The following OXCT1 variants were observed in gnomAD, a reference collection of about 807,000 sequenced individuals.
OXCT1 encodes the protein 3-oxoacid CoA-transferase 1, also known as succinyl-CoA:3-ketoacid coenzyme A transferase 1, mitochondrial.
In OXCT1, 27 loss-of-function variants were observed where a neutral mutation model predicts 69.6. That is an observed-to-expected ratio of 0.39 (90% CI 0.29 to 0.54). OXCT1 has a LOEUF of 0.54. Among genes scored for constraint, OXCT1 ranks in the 20% least tolerant of loss-of-function variants. The pLI, the probability that OXCT1 is intolerant of heterozygous loss-of-function variation, is 0.72. For synonymous variants in OXCT1, 202 were observed against 217.8 expected (o/e 0.93, Z 0.64); for missense variants, 437 against 650.2 (o/e 0.67, Z 3.57).
intron 13 of OXCT1, among the ~76,000 whole-genome samples, chr5:41,784,136 G>A (rs1447825597): frequency 6.6e-6 from 1 of 152,110 alleles, no homozygotes; most frequent in Non-Finnish European, 1.5e-5. Flanking sequence ...CTCCAATTGT[G>A]CTTCAGTGTT....
chr5:41,810,746 AG>A (rs1022942607), intron 7 of OXCT1, among the ~76,000 whole-genome samples: 14 of 152,140 alleles, frequency 9.2e-5, no homozygotes, highest in African/African-American at 3.4e-4. Context: ...ATTATATCTC[AG>A]GTAAGAGAAA....
At chr5:41,817,719 T>C (rs1747319993) in intron 7 of OXCT1, among the ~76,000 whole-genome samples, 2 of 152,172 alleles carry the variant, frequency 1.3e-5, no homozygotes, top group Admixed American at 6.6e-5. Flanking sequence ...TATAACTAGG[T>C]AACTACCATA....
At chr5:41,809,666 C>T (rs1246619859) in intron 7 of OXCT1, among the ~76,000 whole-genome samples, 1 of 151,894 alleles carries the variant, frequency 6.6e-6, no homozygotes, top group East Asian at 1.9e-4. Flanking sequence ...AAAAGTATTG[C>T]TCACTTAAAC....
At chr5:41,797,393 C>T (rs1261096443) in intron 11 of OXCT1, among the ~76,000 whole-genome samples, 1 of 152,180 alleles carries the variant, frequency 6.6e-6, no homozygotes, top group Non-Finnish European at 1.5e-5. Context: ...GGTTAATTTT[C>T]AGCATTTTTA....
At chr5:41,782,570 G>A (rs1452084548) in intron 13 of OXCT1, among the ~76,000 whole-genome samples, 1 of 152,000 alleles carries the variant, frequency 6.6e-6, no homozygotes. Context: ...ATCTGTTCAT[G>A]TCCTTTGCCC....
At position 41,853,491 on chromosome 5, in the gene OXCT1, T is replaced by C. The variant is rs1235460886; in HGVS notation, c.342A>G (p.Ser114=). 3.1e-6 allele frequency: 5 copies of C among 1,613,702 alleles called. No individual in the cohort carries two copies. The highest frequency in any genetic ancestry group is 4.2e-6 in the Non-Finnish European group (5 of 1,179,702). ...CAAATTCTGCATTTTCTCCCACATA[T>C]GAAGAGACCATGCGTTTTATCTGCT... The part of the protein sequence containing the change: ...RSKQIKRMVS[S]YVGENAEFER... The change falls in exon 4 of 17, where the codon TCA becomes TCG. Residue 114 remains serine (S), a synonymous_variant. Transcript: ENST00000196371.
Position 41,870,016 on chromosome 5 carries a change from GCC to G in OXCT1, c.78+263_78+264del. 1 of 502,258 alleles carries G rather than the reference GCC, an allele frequency of 2.0e-6. No individual in the cohort carries two copies. The highest frequency in any genetic ancestry group is 3.6e-6 in the Non-Finnish European group (1 of 275,022). The allele number at this position is 502,258 out of a possible 1,614,324, so 31.1% of individuals were successfully genotyped here. A position where few individuals can be genotyped will look rare whatever the true frequency, so the allele number is the denominator to read the frequency against. ...CGGGAGCGCTGCCAGGAGTCCTCCC[GCC>G]CCTTCTCAGCCTCTCCGCGCGCTTC... On this transcript the variant is annotated intron_variant, in intron 1 of 16. Coordinates refer to ENST00000196371, the MANE Select transcript of OXCT1 (RefSeq NM_000436.4). This position sits in a 1 kb window ranked among gnomAD's most constrained non-coding sequence, Gnocchi z 4.2.
intron 16 of OXCT1, among the ~76,000 whole-genome samples, chr5:41,737,645 T>G (rs1742953837): frequency 6.6e-6 from 1 of 152,232 alleles, no homozygotes; most frequent in African/African-American, 2.4e-5. Context: ...AAGGTATTAC[T>G]GGGAGACTTC....
At chr5:41,857,327 CA>C (rs1465555623) in intron 3 of OXCT1, among the ~76,000 whole-genome samples, 1 of 152,218 alleles carries the variant, frequency 6.6e-6, no homozygotes, top group African/African-American at 2.4e-5. Flanking sequence ...GAGTGGCCTG[CA>C]AGGTCCCATG....
rs1744378080 is a variant in OXCT1 at position 41,762,105 on chromosome 5, T to C, written c.1338+6A>G. 5 of 1,598,914 alleles carry C rather than the reference T, an allele frequency of 3.1e-6. No homozygotes were observed. The East Asian group carries it at 1.1e-4, about 36-fold the overall frequency. On this transcript the variant is annotated splice_donor_region_variant and intron_variant, in intron 14 of 16. Transcript: ENST00000196371. The surrounding 1 kb of genome is among the most constrained non-coding windows in gnomAD (Gnocchi z 4.0). ...AGCAGTATTTGGGGAGCACAGTACA[T>C]GTTACCTTTGCAGAATGCTCCATGG...
chr5:41,776,460 G>GA (rs1169670668), intron 13 of OXCT1, among the ~76,000 whole-genome samples: 1 of 152,110 alleles, frequency 6.6e-6, no homozygotes, highest in Non-Finnish European at 1.5e-5. Flanking sequence ...CTGTTCCTGT[G>GA]TTTTTTTGTT....
intron 13 of OXCT1, among the ~76,000 whole-genome samples, chr5:41,792,857 T>G (rs1231337168): frequency 6.6e-6 from 1 of 152,228 alleles, no homozygotes; most frequent in East Asian, 1.9e-4. Flanking sequence ...CAGAACCACC[T>G]GAGTTGCTTT....
At chr5:41,743,437 C>A (rs1048619191) in intron 15 of OXCT1, among the ~76,000 whole-genome samples, 1 of 152,140 alleles carries the variant, frequency 6.6e-6, no homozygotes, top group Non-Finnish European at 1.5e-5. Flanking sequence ...GTTGCCTGTT[C>A]ACTCTGATGG....
chr5:41,827,827 G>T (rs1442178761), intron 7 of OXCT1, among the ~76,000 whole-genome samples: 1 of 152,052 alleles, frequency 6.6e-6, no homozygotes, highest in Non-Finnish European at 1.5e-5. Flanking sequence ...GAAAACTGGT[G>T]GGGGAAAAAA....
intron 13 of OXCT1, among the ~76,000 whole-genome samples, chr5:41,768,654 C>T (rs758557855): frequency 6.6e-6 from 1 of 152,158 alleles, no homozygotes; most frequent in African/African-American, 2.4e-5. Context: ...CTTCTCCCAA[C>T]ATTTCTTGAG....
chr5:41,744,887 T>G (rs531290644), intron 15 of OXCT1, among the ~76,000 whole-genome samples: 1 of 152,196 alleles, frequency 6.6e-6, no homozygotes, highest in East Asian at 1.9e-4. Flanking sequence ...CCTAAATATA[T>G]ATGCACCCAA....
In OXCT1 at chr5:41,840,348, CA is replaced by C. The variant is rs1748566561; in HGVS notation, c.732+102del. 8 of 866,056 alleles carry C rather than the reference CA, an allele frequency of 9.2e-6. No individual in the cohort carries two copies. The South Asian group carries it at 1.2e-4, about 13-fold the overall frequency. 53.6% of individuals were successfully genotyped at this position (866,056 alleles called of 1,614,324 possible). The stretch of plus-strand genomic sequence containing the variant: ...TTTCCAAAACAAAAAAAAAAGCTGT[CA>C]TTGTTATCCATAAAACAAATGAACT... On this transcript the variant is annotated intron_variant, in intron 7 of 16. Coordinates refer to ENST00000196371, the MANE Select transcript of OXCT1 (RefSeq NM_000436.4).
At chr5:41,831,182 G>T (rs532923587) in intron 7 of OXCT1, among the ~76,000 whole-genome samples, 1 of 152,078 alleles carries the variant, frequency 6.6e-6, no homozygotes, top group Non-Finnish European at 1.5e-5. Flanking sequence ...GTTAATTCTC[G>T]TAAGACTCCA....
At chr5:41,765,796 A>G (rs961049644) in intron 13 of OXCT1, among the ~76,000 whole-genome samples, 5 of 152,184 alleles carry the variant, frequency 3.3e-5, no homozygotes, top group Admixed American at 6.5e-5. Context: ...GAATGGATGG[A>G]AAGAATTTTG....
Sources: gnomAD v4.1 joint callset for allele counts (sites outside exome capture counted in the v4.1 genomes callset) on GRCh38, gnomAD v4.1.1 for gene constraint, Gnocchi (gnomAD v3.1) non-coding constraint, MANE v1.5 for transcripts, NCBI Gene and HGNC (gene_info 2026-07-23, HGNC 2026-07-21) for gene names.